The following MYO6 variants were observed in gnomAD, a reference collection of about 807,000 sequenced individuals.
MYO6 encodes myosin VI, also known as unconventional myosin-VI.
A neutral mutation model predicts 178.7 loss-of-function variants in MYO6; 74 were observed. The observed-to-expected ratio is 0.41, with a 90% CI of 0.34 to 0.50. The LOEUF is 0.50. Among genes scored for constraint, MYO6 ranks in the 20% least tolerant of loss-of-function variants. The pLI is 0.09. For missense variants in MYO6, 1,330 were observed against 1,547.4 expected, an observed-to-expected ratio of 0.86 and a Z score of 2.36; for synonymous variants, 477 against 504.6, an observed-to-expected ratio of 0.95 and a Z score of 0.73.
intron 1 of MYO6, among the ~76,000 whole-genome samples, chr6:75,811,917 A>T (rs543232924): frequency 3.1e-4 from 47 of 152,324 alleles, no homozygotes; most frequent in Non-Finnish European, 5.1e-4. Flanking sequence ...CACCATATGG[A>T]TAAGGACAAA....
intron 30 of MYO6, among the ~76,000 whole-genome samples, chr6:75,899,281 T>C (rs1274907855): frequency 1.3e-5 from 2 of 152,214 alleles, no homozygotes; most frequent in East Asian, 3.9e-4. Context: ...ATTTTACATA[T>C]ATTCTAATAC....
chr6:75,761,409 A>G (rs946791690), intron 1 of MYO6, among the ~76,000 whole-genome samples: 2 of 152,218 alleles, frequency 1.3e-5, no homozygotes, highest in Admixed American at 1.3e-4. Context: ...TATTTCAATC[A>G]GAATTTAATT....
intron 1 of MYO6, among the ~76,000 whole-genome samples, chr6:75,774,777 G>C (rs940446262): frequency 6.6e-6 from 1 of 151,664 alleles, no homozygotes; most frequent in African/African-American, 2.4e-5. Flanking sequence ...AGTTTATTGA[G>C]AAATTATTAT....
At chr6:75,883,086 A>G (rs1208589731) in intron 23 of MYO6, among the ~76,000 whole-genome samples, 1 of 152,226 alleles carries the variant, frequency 6.6e-6, no homozygotes. Flanking sequence ...TTTTATATAC[A>G]TACACAATGT....
intron 1 of MYO6, among the ~76,000 whole-genome samples, chr6:75,752,923 G>T (rs1777020859): frequency 6.6e-6 from 1 of 152,182 alleles, no homozygotes; most frequent in Non-Finnish European, 1.5e-5. Context: ...TAATGAAAAA[G>T]ATAATTATTT....
chr6:75,841,744 CTAATACTTATTTTAGT>C (rs1774249101), intron 9 of MYO6, among the ~76,000 whole-genome samples: 1 of 152,022 alleles, frequency 6.6e-6, no homozygotes, highest in African/African-American at 2.4e-5. Context: ...GCCATCAAGC[CTAATACTTATTTTAGT>C]GAATTTTGAA....
rs563806068 is a variant in MYO6, at chr6:75,851,652, C to A, written c.1078+3121C>A. Among the ~76,000 whole-genome samples the A allele has an allele frequency of 4.6e-3, 692 of 151,396 alleles. 8 individuals are homozygous for A. The highest frequency in any genetic ancestry group is 0.015 in the African/African-American group (604 of 41,300). ...ACCCCATAAAAAAAAAACAAAAAAA[C>A]CCCCAAAACACACACACAAACGCAC... On this transcript the variant is annotated intron_variant, in intron 11 of 34. Coordinates refer to ENST00000369977, the MANE Select transcript of MYO6 (RefSeq NM_004999.4).
chr6:75,767,507 G>A (rs1420569138), intron 1 of MYO6, among the ~76,000 whole-genome samples: 5 of 148,952 alleles, frequency 3.4e-5, no homozygotes, highest in African/African-American at 4.9e-5. Flanking sequence ...AAATACACAT[G>A]ATTTACAAAT....
Position 75,872,506 on chromosome 6 carries a change from T to C in MYO6, c.1984-701T>C, listed in dbSNP as rs899799690. ...TAAGTCTTAAGGGGCATAATTTTATTTACTCCTTTTGTCATAGGGAAATTT... is the reference window on the plus strand; with the variant it reads ...TAAGTCTTAAGGGGCATAATTTTATCTACTCCTTTTGTCATAGGGAAATTT... On this transcript the variant is annotated intron_variant, in intron 19 of 34. Coordinates refer to ENST00000369977, the MANE Select transcript of MYO6 (RefSeq NM_004999.4). Among the ~76,000 whole-genome samples the C allele has an allele frequency of 1.1e-4, 16 of 152,330 alleles. 1 individual carries two copies. Among genetic ancestry groups the C allele is most frequent in the Admixed American group, 9.8e-4 (15 of 15,300 alleles).
intron 1 of MYO6, among the ~76,000 whole-genome samples, chr6:75,799,991 T>A (rs1318908522): frequency 1.3e-5 from 2 of 152,210 alleles, no homozygotes; most frequent in Non-Finnish European, 1.5e-5. Context: ...AGGATCTTAT[T>A]TCTATGTGTG....
chr6:75,890,235 G>A lies in MYO6; in HGVS notation c.2837G>A (p.Arg946His), dbSNP rs781754117. ...AAAAGACGTGAAGAAGACGAAAAAC[G>A]TCGAAGAAAGGAAGAGGAGGAAAGG... ...ERKRREEDEK[R>H]RRKEEEERRM... Residue 946 changes from arginine to histidine, a missense_variant, in exon 26 of 35, where the codon CGT (arginine) becomes CAT (histidine). Physicochemically the swap from Arg to His is conservative, Grantham distance 29. Coordinates refer to ENST00000369977, the MANE Select transcript of MYO6 (RefSeq NM_004999.4). 52 of 1,612,768 alleles carry A rather than the reference G, an allele frequency of 3.2e-5. No individual in the cohort carries two copies. The highest frequency in any genetic ancestry group is 3.9e-5 in the Non-Finnish European group (46 of 1,178,938).
At chr6:75,893,778 G>T (rs1779088286) in intron 28 of MYO6, among the ~76,000 whole-genome samples, 1 of 152,154 alleles carries the variant, frequency 6.6e-6, no homozygotes, top group Non-Finnish European at 1.5e-5. Context: ...ATGGCTATAT[G>T]AACAAAAGAT....
chr6:75,770,731 C>A (rs898226534), intron 1 of MYO6, among the ~76,000 whole-genome samples: 3 of 152,188 alleles, frequency 2.0e-5, no homozygotes, highest in African/African-American at 7.2e-5. Flanking sequence ...CCAGCCATGG[C>A]CTCCCAAAGT....
chr6:75,763,852 GA>G, intron 1 of MYO6, among the ~76,000 whole-genome samples: 1 of 152,148 alleles, frequency 6.6e-6, no homozygotes, highest in South Asian at 2.1e-4. Flanking sequence ...ACTAGTCTTT[GA>G]AAAAAATATT....
In MYO6 at chr6:75,918,816, G is replaced by T. The variant is rs1449648876; in HGVS notation, c.*3804G>T. 6.6e-6 allele frequency: 1 copy of T among 152,116 alleles called. No homozygotes were observed. Among genetic ancestry groups the T allele is most frequent in the African/African-American group, 2.4e-5 (1 of 41,432 alleles). The allele number at this position is 152,116 out of a possible 1,614,324, so 9.4% of individuals were successfully genotyped here. On this transcript the variant is annotated 3_prime_UTR_variant, in exon 35 of 35. Transcript: ENST00000369977. ...AAAGGAGAATCTTCAGTACAAATTT[G>T]TTTTTTTAAAAATAGATTTAGGGCT...
intron 1 of MYO6, among the ~76,000 whole-genome samples, chr6:75,752,749 G>A (rs985821785): frequency 1.3e-5 from 2 of 152,204 alleles, no homozygotes; most frequent in Non-Finnish European, 2.9e-5. Context: ...CTTGAACACT[G>A]ATGCTGCTGC....
intron 32 of MYO6, among the ~76,000 whole-genome samples, chr6:75,909,253 A>G (rs941878326): frequency 2.1e-4 from 32 of 152,206 alleles, no homozygotes; most frequent in African/African-American, 7.7e-4. Context: ...GAAATACCCA[A>G]TATTGTTATC....
At chr6:75,774,431 TTCTG>T (rs1474601239) in intron 1 of MYO6, among the ~76,000 whole-genome samples, 1 of 152,188 alleles carries the variant, frequency 6.6e-6, no homozygotes, top group Non-Finnish European at 1.5e-5. Flanking sequence ...TTTCATGCAT[TTCTG>T]TCTTTCTACC....
intron 20 of MYO6, among the ~76,000 whole-genome samples, chr6:75,875,090 A>G (rs1022172523): frequency 1.3e-5 from 2 of 152,094 alleles, no homozygotes; most frequent in African/African-American, 4.8e-5. Flanking sequence ...ATCATTTTTC[A>G]GGATTTAAGT....
Sources: allele counts gnomAD v4.1 joint callset (sites outside exome capture counted in the v4.1 genomes callset), GRCh38; gene constraint gnomAD v4.1.1; transcripts MANE v1.5; gene names NCBI Gene and HGNC (gene_info 2026-07-23, HGNC 2026-07-21).